COL25A1: variants seen among roughly 807,000 people sequenced by gnomAD.
COL25A1 encodes collagen type XXV alpha 1 chain, also known as collagen alpha-1(XXV) chain.
In COL25A1, 103 loss-of-function variants were observed where a neutral mutation model predicts 128.4. The ratio of observed to expected loss-of-function variants is 0.80; its 90% confidence interval spans 0.68 to 0.94. COL25A1 has a LOEUF of 0.94. Ranked by LOEUF, COL25A1 falls within the 40% of genes least tolerant of loss-of-function variation. COL25A1 has a pLI of 0.00. For synonymous variants in COL25A1, 279 were observed against 277.2 expected (o/e 1.01, Z -0.06); for missense variants, 745 against 840.0 (o/e 0.89, Z 1.40).
At chr4:109,274,036 G>C (rs764685243) in intron 3 of COL25A1, among the ~76,000 whole-genome samples, 4 of 152,102 alleles carry the variant, frequency 2.6e-5, no homozygotes, top group African/African-American at 4.8e-5. Context: ...GGCAAAAAAC[G>C]GAACTATTAA....
intron 6 of COL25A1, 26 bp from the exon 7 acceptor site, chr4:108,974,585 T>A (rs759106422): frequency 2.8e-5 from 44 of 1,575,712 alleles, no homozygotes; most frequent in Middle Eastern, 3.9e-4. Flanking sequence ...AGAAAAAAAA[T>A]TTTAATTAAA....
At chr4:109,071,799 C>A (rs974594792) in intron 3 of COL25A1, among the ~76,000 whole-genome samples, 2 of 152,168 alleles carry the variant, frequency 1.3e-5, no homozygotes, top group Middle Eastern at 3.2e-3. Context: ...CAGGAAACAA[C>A]AGGTGCTGGT....
At chr4:109,198,311 C>A (rs1355585001) in intron 3 of COL25A1, among the ~76,000 whole-genome samples, 1 of 151,718 alleles carries the variant, frequency 6.6e-6, no homozygotes, top group Non-Finnish European at 1.5e-5. Context: ...CACACACACA[C>A]ACACACACAC....
At chr4:108,950,243 T>C (rs1210115034) in intron 8 of COL25A1, among the ~76,000 whole-genome samples, 1 of 152,108 alleles carries the variant, frequency 6.6e-6, no homozygotes, top group Non-Finnish European at 1.5e-5. Flanking sequence ...TCCACCAAAC[T>C]AGAAGTGAGG....
chr4:109,285,130 C>T (rs1026065367), intron 3 of COL25A1, among the ~76,000 whole-genome samples: 3 of 151,908 alleles, frequency 2.0e-5, no homozygotes, highest in East Asian at 1.9e-4. Flanking sequence ...TGAGCTTGAA[C>T]CTCTGAATGA....
intron 31 of COL25A1, 73 bp from the exon 32 acceptor site, chr4:108,832,506 C>T: frequency 9.9e-7 from 1 of 1,009,234 alleles, no homozygotes; most frequent in South Asian, 1.5e-5. Flanking sequence ...CTGGATTTTT[C>T]CTAGGTGAAT....
At chr4:108,940,938 G>A (rs117959916) in intron 9 of COL25A1, among the ~76,000 whole-genome samples, 9 of 152,118 alleles carry the variant, frequency 5.9e-5, no homozygotes, top group African/African-American at 1.7e-4. Context: ...GGTATAAAAC[G>A]TGTGCATTAC....
intron 37 of COL25A1, among the ~76,000 whole-genome samples, chr4:108,814,470 T>C (rs978873313): frequency 6.6e-6 from 1 of 152,208 alleles, no homozygotes; most frequent in African/African-American, 2.4e-5. Context: ...AAGGTAGACC[T>C]GCCTGCTGTC....
chr4:109,057,915 T>G (rs761261130), intron 3 of COL25A1, among the ~76,000 whole-genome samples: 4 of 152,170 alleles, frequency 2.6e-5, no homozygotes, highest in Non-Finnish European at 4.4e-5. Flanking sequence ...AACTGGAGAC[T>G]CTCACAAGGA....
At chr4:108,819,872 C>T in intron 35 of COL25A1, 1 of 1,231,524 alleles carries the variant, frequency 8.1e-7, no homozygotes, top group Non-Finnish European at 1.0e-6. Context: ...CTTTAGGCCC[C>T]TTTTTGCCTT....
chr4:108,987,859 C>G (rs1176060630), intron 6 of COL25A1, among the ~76,000 whole-genome samples: 1 of 152,224 alleles, frequency 6.6e-6, no homozygotes, highest in African/African-American at 2.4e-5. Context: ...GACTCATCTC[C>G]ATGATCTCGC....
At chr4:109,070,905 T>C (rs112271794) in intron 3 of COL25A1, among the ~76,000 whole-genome samples, 17,585 of 152,078 alleles carry the variant, frequency 0.12, 1,314 homozygotes, top group African/African-American at 0.21. Flanking sequence ...ATGGTGTATA[T>C]GTGCCACATT....
intron 3 of COL25A1, among the ~76,000 whole-genome samples, chr4:109,233,463 T>C (rs919436353): frequency 6.6e-6 from 1 of 151,266 alleles, no homozygotes; most frequent in Admixed American, 6.6e-5. Flanking sequence ...ACAGTGAGTA[T>C]GTGGATTTTT....
At chr4:109,005,608 T>C (rs1755888955) in intron 6 of COL25A1, among the ~76,000 whole-genome samples, 1 of 152,146 alleles carries the variant, frequency 6.6e-6, no homozygotes, top group African/African-American at 2.4e-5. Flanking sequence ...AGACCATTAT[T>C]AGTAATAGTG....
chr4:108,855,389 T>C (rs566190883), intron 24 of COL25A1, among the ~76,000 whole-genome samples: 14 of 145,956 alleles, frequency 9.6e-5, no homozygotes, highest in African/African-American at 3.2e-4. Context: ...TTTTTTTTTG[T>C]TGTTCCTACA....
At chr4:108,839,659 G>A (rs1340232189) in intron 31 of COL25A1, among the ~76,000 whole-genome samples, 1 of 152,044 alleles carries the variant, frequency 6.6e-6, no homozygotes, top group Non-Finnish European at 1.5e-5. Flanking sequence ...TGTAATTAGG[G>A]GCAAATAACC....
intron 5 of COL25A1, among the ~76,000 whole-genome samples, chr4:109,015,431 A>C (rs1475228411): frequency 1.3e-5 from 2 of 152,212 alleles, no homozygotes; most frequent in African/African-American, 4.8e-5. Flanking sequence ...ATTCCTGAAA[A>C]GATCATTTTT....
At chr4:108,834,400 T>C (rs1733529049) in intron 31 of COL25A1, 4 of 1,550,466 alleles carry the variant, frequency 2.6e-6, no homozygotes, top group Non-Finnish European at 3.5e-6. Context: ...CCTGTGTGAT[T>C]TGGTTGGTAG....
chr4:108,918,038 C>T (rs1189313060), intron 13 of COL25A1, 134 bp downstream of exon 13: 1 of 455,730 alleles, frequency 2.2e-6, no homozygotes, highest in Non-Finnish European at 3.9e-6. Flanking sequence ...ATTTGTAGCA[C>T]AATTTTCCTG....
Sources: allele counts gnomAD v4.1 joint callset (sites outside exome capture counted in the v4.1 genomes callset), GRCh38; gene constraint gnomAD v4.1.1; transcripts MANE v1.5; gene names NCBI Gene and HGNC (gene_info 2026-07-23, HGNC 2026-07-21).